Variants in COL5A3 observed in about 807,000 individuals in gnomAD.
COL5A3 encodes collagen alpha-3(V) chain.
In COL5A3, 172 loss-of-function variants were observed where a neutral mutation model predicts 250.0. The observed-to-expected ratio is 0.69, with a 90% confidence interval of 0.61 to 0.78. The LOEUF (loss-of-function observed/expected upper bound fraction) is 0.78, where lower values mean the gene tolerates loss of function less well. COL5A3 is among the 30% of genes least tolerant of loss of function. The pLI is 0.00. For synonymous variants in COL5A3, 937 were observed against 900.4 expected, an observed-to-expected ratio of 1.04 and a Z score of -0.73; for missense variants, 2,340 against 2,334.4, an observed-to-expected ratio of 1.00 and a Z score of -0.05.
intron 62 of COL5A3, 28 bp from the exon 63 acceptor site, chr19:9,966,774 G>A: frequency 6.6e-7 from 1 of 1,504,546 alleles, no homozygotes; most frequent in Non-Finnish European, 8.9e-7. Flanking sequence ...GGACGGAGAA[G>A]AGAGGGGAGA....
At chr19:9,987,815 G>A (rs370962443) in intron 27 of COL5A3, among the ~76,000 whole-genome samples, 1 of 152,062 alleles carries the variant, frequency 6.6e-6, no homozygotes, top group Non-Finnish European at 1.5e-5. Context: ...TACGCCTATA[G>A]TCCTAGCTAT....
intron 41 of COL5A3, 107 bp downstream of exon 41, chr19:9,978,467 G>T: frequency 1.3e-6 from 1 of 748,546 alleles, no homozygotes; most frequent in Non-Finnish European, 2.3e-6. Context: ...CAAGTGATCT[G>T]CCTGCCTCAG....
rs375651174 is a variant in COL5A3, at chr19:9,974,416, A to G, written c.3343-8T>C. 6.3e-4 allele frequency: 984 copies of G among 1,571,808 alleles called. 8 individuals are homozygous for G. The highest frequency in any genetic ancestry group is 5.0e-5 in the Non-Finnish European group (58 of 1,161,648). On this transcript the variant is annotated splice_polypyrimidine_tract_variant and splice_region_variant and intron_variant, in intron 45 of 66. Transcript: ENST00000264828. ...CTGAGCCCCGTCTGCTCCCTGGAAG[A>G]ACACAAACAGGGGCACATTTAAGGT...
chr19:10,006,464 T>C (rs562812316), intron 1 of COL5A3, among the ~76,000 whole-genome samples: 34 of 149,348 alleles, frequency 2.3e-4, no homozygotes, highest in East Asian at 7.8e-4. Flanking sequence ...TTTTTTTTTT[T>C]CCCCTTGGTT....
At chr19:9,986,257 A>G in intron 30 of COL5A3, 58 bp downstream of exon 30, 1 of 1,188,680 alleles carries the variant, frequency 8.4e-7, no homozygotes, top group Non-Finnish European at 1.2e-6. Context: ...CAAAGGGCAG[A>G]GGGAAAAGAT....
intron 54 of COL5A3, among the ~76,000 whole-genome samples, chr19:9,970,406 G>GGGGGGAGGGGGGTCTGT (rs2086822625): frequency 1.4e-5 from 1 of 70,862 alleles, no homozygotes; most frequent in Non-Finnish European, 2.7e-5. Context: ...TGGGGTCTGT[G>GGGGGGAGGGGGGTCTGT]GGGTGAGTGG....
chr19:10,003,864 A>T, intron 5 of COL5A3, 150 bp from the exon 6 acceptor site: 1 of 1,184,694 alleles, frequency 8.4e-7, no homozygotes, highest in Non-Finnish European at 1.2e-6. Context: ...CCTGGGGTCA[A>T]GGGTGGCTCA....
rs1314640101 is a variant in COL5A3, at chr19:9,992,856, TG to T, written c.1818del (p.Arg607GlufsTer12). On this transcript the variant is annotated frameshift_variant, in exon 21 of 67. Coordinates refer to ENST00000264828, the MANE Select transcript of COL5A3 (RefSeq NM_015719.4). LOFTEE classifies it high-confidence loss of function. ...GEPGPRGLLG[P>X]RGSPGPTGRP... ...CGACCCGTGGGGCCAGGAGAGCCTC[TG>T]GGGCCAAGCAGTCCTCGTGGACCCT... 1.9e-6 allele frequency: 3 copies of T among 1,614,014 alleles called. No individual in the cohort carries two copies. Among genetic ancestry groups the T allele is most frequent in the Non-Finnish European group, 2.5e-6 (3 of 1,179,978 alleles).
At chr19:9,985,102 C>T (rs769225128) in intron 31 of COL5A3, among the ~76,000 whole-genome samples, 26 of 151,614 alleles carry the variant, frequency 1.7e-4, no homozygotes, top group Non-Finnish European at 2.9e-4. Context: ...GTGCATGCTA[C>T]TATGCCCAGC....
Position 10,003,903 on chromosome 19 carries a change from A to G in COL5A3, c.699+138T>C, listed in dbSNP as rs1008258865. 5 of 994,068 alleles carry G rather than the reference A, an allele frequency of 5.0e-6. No individual in the cohort carries two copies. The African/African-American group carries it at 6.4e-5, about 13-fold the overall frequency. 61.6% of individuals were successfully genotyped at this position (994,068 alleles called of 1,614,324 possible). ...ATATGACTTGAGGTCAAAGTCATTC[A>G]TGCCTGGGATGTGTTGGAGGTCACG... is the stretch of plus-strand genomic sequence containing the variant. On this transcript the variant is annotated intron_variant, in intron 5 of 66. Transcript: ENST00000264828.
At chr19:9,990,058 GCAGACACA>G (rs2087163663) in intron 24 of COL5A3, among the ~76,000 whole-genome samples, 1 of 53,308 alleles carries the variant, frequency 1.9e-5, no homozygotes, top group African/African-American at 1.5e-4. Context: ...GCCTTCCCTG[GCAGACACA>G]CTTCTGTGTG....
chr19:9,966,585 C>T lies in COL5A3; in HGVS notation c.4620G>A (p.Pro1540=), dbSNP rs1679678828. 3 of 1,541,562 alleles carry T rather than the reference C, an allele frequency of 1.9e-6. No individual in the cohort carries two copies. Among genetic ancestry groups the T allele is most frequent in the Non-Finnish European group, 1.7e-6 (2 of 1,147,342 alleles). The change falls in exon 63 of 67, where the codon CCG becomes CCA. Residue 1540 remains proline, a synonymous_variant. Coordinates refer to ENST00000264828, the MANE Select transcript of COL5A3 (RefSeq NM_015719.4). ...GGTGCAGCTCGTGGCACACGAGGCC[C>T]GGGCGCTCCGCAGTGCCGGGAGGAC... ...LRRPPGTAER[P]GLVCHELHRN...
rs757180959 is a variant in COL5A3 at position 9,974,191 on chromosome 19, C to T, written c.3484G>A (p.Val1162Ile). 5.0e-6 allele frequency: 8 copies of T among 1,613,884 alleles called. No individual in the cohort carries two copies. The highest frequency in any genetic ancestry group is 1.3e-5 in the African/African-American group (1 of 74,892). ...CATACCATGGACCCGACGTCTCCGA[C>T]CTCCCCTTTCTCTCCCGGAGGGCCT... ...LPGPPGEKGE[V>I]GDVGSMGPHG... Residue 1162 changes from valine (V) to isoleucine (I), a missense_variant, in exon 47 of 67, where the codon GTC becomes ATC. Transcript: ENST00000264828.
intron 61 of COL5A3, 49 bp from the exon 62 acceptor site, chr19:9,967,449 T>C (rs62104313): frequency 0.18 from 241,846 of 1,339,760 alleles, 25,559 homozygotes; most frequent in South Asian, 0.4. Context: ...TGGAGACCCT[T>C]CCCACCAACA....
In COL5A3 at chr19:9,985,822, C is replaced by T. The variant is rs1281666331; in HGVS notation, c.2406+20G>A. On this transcript the variant is annotated intron_variant, in intron 31 of 66. Transcript: ENST00000264828. ...AATCCTGCCCATATCCATCTCCACC[C>T]CCCACCCCCAGCTTCCTACCTTAGG... 2.5e-6 allele frequency: 4 copies of T among 1,608,990 alleles called. No homozygotes were observed. The highest frequency in any genetic ancestry group is 2.7e-5 in the African/African-American group (2 of 74,800).
intron 45 of COL5A3, among the ~76,000 whole-genome samples, chr19:9,976,084 A>G (rs1252251966): frequency 6.7e-6 from 1 of 150,284 alleles, no homozygotes; most frequent in Non-Finnish European, 1.5e-5. Context: ...GGGTGTCAGC[A>G]TTGAGGGGAA....
chr19:9,977,208 C>T (rs756563171), intron 44 of COL5A3, 21 bp downstream of exon 44: 3 of 1,612,630 alleles, frequency 1.9e-6, no homozygotes, highest in Non-Finnish European at 2.5e-6. Context: ...CCACCCTGCC[C>T]CACTGGGGAC....
intron 41 of COL5A3, 30 bp from the exon 42 acceptor site, chr19:9,977,731 A>G: frequency 6.7e-7 from 1 of 1,497,486 alleles, no homozygotes; most frequent in Non-Finnish European, 8.9e-7. Context: ...ATCAGGTATA[A>G]TACCAGTAGT....
At chr19:9,990,756 G>A (rs1683247502) in intron 24 of COL5A3, among the ~76,000 whole-genome samples, 1 of 151,834 alleles carries the variant, frequency 6.6e-6, no homozygotes, top group African/African-American at 2.4e-5. Flanking sequence ...GTAGAGACAG[G>A]GTTTCACCAT....
Sources: gnomAD v4.1 joint callset for allele counts (sites outside exome capture counted in the v4.1 genomes callset) on GRCh38, gnomAD v4.1.1 for gene constraint, MANE v1.5 for transcripts, NCBI Gene and HGNC (gene_info 2026-07-23, HGNC 2026-07-21) for gene names.